The following ANKRD26 variants were observed in gnomAD, a reference collection of about 807,000 sequenced individuals.
The protein encoded by ANKRD26 is ankyrin repeat domain-containing protein 26.
In ANKRD26, 141 loss-of-function variants were observed where a neutral mutation model predicts 208.7. The observed-to-expected ratio is 0.68, with a 90% confidence interval of 0.59 to 0.78. The LOEUF (loss-of-function observed/expected upper bound fraction) is 0.78, where lower values mean the gene tolerates loss of function less well. Among genes scored for constraint, ANKRD26 ranks in the 30% least tolerant of loss-of-function variants. The pLI is 0.00. For missense variants in ANKRD26, 1,889 were observed against 1,938.7 expected, an observed-to-expected ratio of 0.97 and a Z score of 0.48; for synonymous variants, 636 against 660.4, an observed-to-expected ratio of 0.96 and a Z score of 0.57.
At chr10:27,045,169 A>AT (rs1406953556) in intron 18 of ANKRD26, among the ~76,000 whole-genome samples, 1 of 152,198 alleles carries the variant, frequency 6.6e-6, no homozygotes, top group Non-Finnish European at 1.5e-5. Context: ...CACGCCTGTA[A>AT]TCTCAGCACT....
chr10:26,981,384 A>G (rs941442495), intron 4 of ANKRD26, among the ~76,000 whole-genome samples: 1 of 152,182 alleles, frequency 6.6e-6, no homozygotes, highest in African/African-American at 2.4e-5. Context: ...TGCAATACTG[A>G]TAACAGCAAG....
chr10:27,009,590 T>C (rs1188415699), intron 32 of ANKRD26, among the ~76,000 whole-genome samples: 1 of 152,148 alleles, frequency 6.6e-6, no homozygotes, highest in Non-Finnish European at 1.5e-5. Context: ...GTAGACAAGG[T>C]GCCATCGATG....
chr10:27,080,385 A>C (rs1323826917), intron 6 of ANKRD26, among the ~76,000 whole-genome samples: 1 of 152,176 alleles, frequency 6.6e-6, no homozygotes, highest in Non-Finnish European at 1.5e-5. Flanking sequence ...GAAATGTTTG[A>C]AAGCTAGATG....
chr10:27,077,331 A>C lies in ANKRD26; in HGVS notation c.1077+7T>G, dbSNP rs774259911. ...ACATGAAAAAAGTTTTTTAAAAAAC[A>C]ACTTACCTTCATAAGACCAGGGTTT... is the stretch of plus-strand genomic sequence containing the variant. On this transcript the variant is annotated splice_region_variant and intron_variant, in intron 9 of 33. Coordinates refer to ENST00000376087, the MANE Select transcript of ANKRD26 (RefSeq NM_014915.3). 1 of 1,610,846 alleles carries C rather than the reference A, an allele frequency of 6.2e-7. No homozygotes were observed. The highest frequency in any genetic ancestry group is 1.1e-5 in the South Asian group (1 of 91,034).
chr10:27,063,983 CT>C lies in ANKRD26; in HGVS notation c.1363+4del. ...GGCTTTTTAAAAATGAAATATAGCT[CT>C]TACCTTCTGCTTGTTCATTTCCTAT... On this transcript the variant is annotated splice_donor_region_variant and intron_variant, in intron 12 of 33. Coordinates refer to ENST00000376087, the MANE Select transcript of ANKRD26 (RefSeq NM_014915.3). 1 of 1,597,632 alleles carries C rather than the reference CT, an allele frequency of 6.3e-7. No homozygotes were observed.
At chr10:27,049,651 T>C (rs542508573) in intron 16 of ANKRD26, among the ~76,000 whole-genome samples, 8 of 152,282 alleles carry the variant, frequency 5.3e-5, no homozygotes, top group Non-Finnish European at 1.2e-4. Flanking sequence ...GGAGGATATA[T>C]AGTATAAGTA....
At chr10:27,083,300 A>C (rs2055995118) in intron 5 of ANKRD26, among the ~76,000 whole-genome samples, 1 of 151,850 alleles carries the variant, frequency 6.6e-6, no homozygotes, top group South Asian at 2.1e-4. Context: ...TTAAACATGC[A>C]CTCTTAACTG....
chr10:26,979,164 G>A (rs879927586), intron 5 of ANKRD26, among the ~76,000 whole-genome samples: 1 of 152,140 alleles, frequency 6.6e-6, no homozygotes, highest in Non-Finnish European at 1.5e-5. Context: ...AGCTTGCAGT[G>A]AGCCGAGATC....
chr10:27,053,951 C>A (rs1399182949), intron 15 of ANKRD26, among the ~76,000 whole-genome samples: 1 of 152,162 alleles, frequency 6.6e-6, no homozygotes, highest in Non-Finnish European at 1.5e-5. Flanking sequence ...ACATCTTTAT[C>A]ATTGTACATC....
downstream of ANKRD26, among the ~76,000 whole-genome samples, chr10:26,988,767 C>T (rs189264000): frequency 9.6e-4 from 145 of 151,664 alleles, no homozygotes; most frequent in Middle Eastern, 0.02. Context: ...ATACTCAAGC[C>T]GGGCATGATG....
intron 9 of ANKRD26, among the ~76,000 whole-genome samples, chr10:27,074,014 A>T (rs10734064): frequency 0.53 from 79,694 of 151,622 alleles, 23,204 homozygotes; most frequent in Non-Finnish European, 0.66. Flanking sequence ...AAAAATAAAT[A>T]AAAAAAAACC....
chr10:27,041,906 T>C (rs764065476), intron 20 of ANKRD26, among the ~76,000 whole-genome samples: 2 of 152,142 alleles, frequency 1.3e-5, no homozygotes, highest in Non-Finnish European at 2.9e-5. Flanking sequence ...ACTATTATAA[T>C]TATACCATAT....
At chr10:27,031,721 C>T (rs1384762336) in intron 25 of ANKRD26, among the ~76,000 whole-genome samples, 1 of 152,078 alleles carries the variant, frequency 6.6e-6, no homozygotes, top group Non-Finnish European at 1.5e-5. Context: ...CAATAATGTT[C>T]TTTAAAAATC....
chr10:27,035,338 T>C lies in ANKRD26; in HGVS notation c.3112A>G (p.Arg1038Gly), dbSNP rs377296215. Reference protein sequence around the residue: ...RELELAFQRARDECSRLQDKM... With the variant: ...RELELAFQRAGDECSRLQDKM... Reference sequence around the variant, plus strand: ...TCCTGTAAACGAGAACATTCATCTCTTGCTCTCTGGAAAGCAAGTTCTAGT... The same window carrying C: ...TCCTGTAAACGAGAACATTCATCTCCTGCTCTCTGGAAAGCAAGTTCTAGT... The change falls in exon 24 of 34, where the codon AGA becomes GGA. Residue 1038 changes from arginine (R) to glycine (G), a missense_variant. This residue lies in a region of ANKRD26 where 1,272 missense variants were observed against 1,273.8 expected (regional missense o/e 1.00). Transcript: ENST00000376087. The C allele has an allele frequency of 1.2e-6, 2 of 1,613,990 alleles. No individual in the cohort carries two copies. The highest frequency in any genetic ancestry group is 1.7e-5 in the Admixed American group (1 of 60,018).
At chr10:27,018,285 C>T (rs1056464634) in intron 29 of ANKRD26, among the ~76,000 whole-genome samples, 3 of 151,880 alleles carry the variant, frequency 2.0e-5, no homozygotes, top group Non-Finnish European at 4.4e-5. Context: ...CAGGCACCCA[C>T]CACCAGGCCC....
At chr10:26,957,313 CG>C in the ANKRD26 span, among the ~76,000 whole-genome samples, 1 of 151,978 alleles carries the variant, frequency 6.6e-6, no homozygotes. Flanking sequence ...TCTTGAACCT[CG>C]GAGGCAGAGG....
In ANKRD26 at chr10:27,014,845, A is replaced by AT. The variant is rs2134932009; in HGVS notation, c.4507-135dup. On this transcript the variant is annotated intron_variant, in intron 30 of 33. Transcript: ENST00000376087. ...GAGAAAGATCTCTGTGCCAGCAGGC[A>AT]TTGGTCAAAGAGATAAGAGGACATC... The AT allele has an allele frequency of 1.7e-5, 12 of 708,162 alleles. No individual in the cohort carries two copies. In the South Asian group the frequency reaches 2.0e-4, roughly 12 times the overall value. 43.9% of individuals were successfully genotyped at this position (708,162 alleles called of 1,614,324 possible). A position where few individuals can be genotyped will look rare whatever the true frequency, so the allele number is the denominator to read the frequency against.
At chr10:27,026,438 C>T (rs558582667) in intron 27 of ANKRD26, among the ~76,000 whole-genome samples, 32 of 152,264 alleles carry the variant, frequency 2.1e-4, no homozygotes, top group Admixed American at 3.9e-4. Context: ...ATTGTCATGT[C>T]ACTTGTGTGA....
rs1378558804 is a variant in ANKRD26 at position 27,004,325 on chromosome 10, T to G, written c.*1265A>C. On this transcript the variant is annotated 3_prime_UTR_variant, in exon 34 of 34. Transcript: ENST00000376087. ...ACATTTCTTAAAAGAAAAACAAATTTTTAATAACAATATTAATGAATTATA... is the reference window on the plus strand; with the variant it reads ...ACATTTCTTAAAAGAAAAACAAATTGTTAATAACAATATTAATGAATTATA... 1 of 151,910 alleles carries G rather than the reference T, an allele frequency of 6.6e-6. No homozygotes were observed. The highest frequency in any genetic ancestry group is 1.5e-5 in the Non-Finnish European group (1 of 67,990). 9.4% of individuals were successfully genotyped at this position (151,910 alleles called of 1,614,324 possible).
Sources: allele counts gnomAD v4.1 joint callset (sites outside exome capture counted in the v4.1 genomes callset), GRCh38; gene constraint gnomAD v4.1.1; regional missense constraint gnomAD v4.1.1; transcripts MANE v1.5; gene names NCBI Gene and HGNC (gene_info 2026-07-23, HGNC 2026-07-21).